ITGAM: variants seen among roughly 807,000 people sequenced by gnomAD.
ITGAM encodes the protein integrin subunit alpha M, also known as integrin alpha-M.
Under a neutral mutation model 137.5 loss-of-function variants are expected in ITGAM, and 79 were observed. The observed-to-expected ratio is 0.57, with a 90% CI of 0.48 to 0.69. The LOEUF (loss-of-function observed/expected upper bound fraction) is 0.69, where lower values mean the gene tolerates loss of function less well. Among genes scored for constraint, ITGAM ranks in the 30% least tolerant of loss-of-function variants. The probability of loss-of-function intolerance (pLI) is 0.00; values close to 1 mark genes in which losing one functional copy is unlikely to be tolerated. For missense variants in ITGAM, 1,343 were observed against 1,483.5 expected (o/e 0.91, Z 1.56); for synonymous variants, 583 against 592.3 (o/e 0.98, Z 0.23).
intron 14 of ITGAM, among the ~76,000 whole-genome samples, chr16:31,318,235 T>C (rs2080412122): frequency 1.3e-5 from 2 of 152,208 alleles, no homozygotes; most frequent in Non-Finnish European, 2.9e-5. Context: ...TTAATGATCC[T>C]TTTTATTGCT....
rs1422166276 is a variant in ITGAM at position 31,331,659 on chromosome 16, C to T, written c.3411C>T (p.Tyr1137=). Residue 1137 remains tyrosine, a synonymous_variant, in exon 30 of 30, where the codon TAC becomes TAT. Transcript: ENST00000544665. ...AGCTCGGCTTCTTCAAGCGGCAATA[C>T]AAGGACATGATGAGTGAAGGGGGTC... ...LYKLGFFKRQ[Y]KDMMSEGGPP... The T allele has an allele frequency of 6.2e-7, 1 of 1,604,836 alleles. No homozygotes were observed.
intron 12 of ITGAM, among the ~76,000 whole-genome samples, chr16:31,283,330 A>ATT (rs2079990943): frequency 6.6e-6 from 1 of 152,202 alleles, no homozygotes; most frequent in African/African-American, 2.4e-5. Context: ...ACTTGGTTCC[A>ATT]TTCGCCCTGT....
At chr16:31,330,638 G>T (rs760832033) in intron 28 of ITGAM, 33 bp downstream of exon 28, 1 of 1,494,246 alleles carries the variant, frequency 6.7e-7, no homozygotes, top group South Asian at 1.2e-5. Flanking sequence ...AACTATTGGA[G>T]GGAGAGGGGC....
Position 31,324,698 on chromosome 16 carries a change from C to G in ITGAM, c.2205C>G (p.Phe735Leu), listed in dbSNP as rs1315594782. The G allele has an allele frequency of 6.2e-7, 1 of 1,602,248 alleles. No homozygotes were observed. Among genetic ancestry groups the G allele is most frequent in the Non-Finnish European group, 8.5e-7 (1 of 1,175,102 alleles). Reference protein sequence around the residue: ...PVSPIVLRLNFSLVGTPLSAF... With the variant: ...PVSPIVLRLNLSLVGTPLSAF... ...GCCCCATTGTGCTGCGCCTGAACTT[C>G]TCTCTGGTGGGAACGCCATTGTCTG... The change falls in exon 18 of 30, where the codon TTC (phenylalanine) becomes TTG (leucine). Residue 735 changes from phenylalanine (F) to leucine (L), a missense_variant. Transcript: ENST00000544665. The surrounding 1 kb of genome is among the most constrained non-coding windows in gnomAD (Gnocchi z 4.5).
At chr16:31,313,569 T>G (rs897689551) in intron 14 of ITGAM, among the ~76,000 whole-genome samples, 2 of 152,242 alleles carry the variant, frequency 1.3e-5, no homozygotes, top group African/African-American at 4.8e-5. Flanking sequence ...CATTCTCTTT[T>G]ATGGCTGCAT....
At chr16:31,273,573 C>T in intron 8 of ITGAM, 55 bp downstream of exon 8, 2 of 1,552,780 alleles carry the variant, frequency 1.3e-6, no homozygotes, top group Non-Finnish European at 1.8e-6. Context: ...TATGTGGATC[C>T]ATCCTCCCTT....
intron 3 of ITGAM, 150 bp from the exon 4 acceptor site, chr16:31,265,661 C>A (rs1338625262): frequency 1.3e-6 from 1 of 773,634 alleles, no homozygotes; most frequent in Non-Finnish European, 2.1e-6. Context: ...CCCAGGCAAC[C>A]CCTCTGTGTT....
At chr16:31,314,218 A>C (rs984930572) in intron 14 of ITGAM, among the ~76,000 whole-genome samples, 13 of 152,112 alleles carry the variant, frequency 8.5e-5, no homozygotes, top group Non-Finnish European at 1.2e-4. Context: ...TGCTGTGCAG[A>C]AGCTCTTTAG....
At chr16:31,315,923 G>A (rs542339976) in intron 14 of ITGAM, among the ~76,000 whole-genome samples, 7 of 151,776 alleles carry the variant, frequency 4.6e-5, no homozygotes, top group East Asian at 2.0e-4. Flanking sequence ...GGCCGGGCGC[G>A]GTGGCTCATG....
At chr16:31,273,851 T>A (rs1000167555) in intron 8 of ITGAM, among the ~76,000 whole-genome samples, 2 of 152,186 alleles carry the variant, frequency 1.3e-5, no homozygotes, top group South Asian at 2.1e-4. Flanking sequence ...AGCTATGTCA[T>A]CTGCTGGACC....
chr16:31,295,670 A>G (rs1447937650), intron 12 of ITGAM, among the ~76,000 whole-genome samples: 2 of 151,166 alleles, frequency 1.3e-5, no homozygotes, highest in Non-Finnish European at 2.9e-5. Flanking sequence ...GTAAACAGAG[A>G]CAAATTTCCT....
chr16:31,331,556 C>A, intron 29 of ITGAM, 80 bp from the exon 30 acceptor site: 1 of 879,656 alleles, frequency 1.1e-6, no homozygotes, highest in Admixed American at 2.2e-5. Flanking sequence ...TCTGCCGGCC[C>A]TCCCGCCCCC....
intron 14 of ITGAM, among the ~76,000 whole-genome samples, chr16:31,308,193 C>G (rs1167108410): frequency 6.6e-6 from 1 of 152,104 alleles, no homozygotes; most frequent in Admixed American, 6.5e-5. Flanking sequence ...CCCTCTTTTT[C>G]TATTGATTGG....
At chr16:31,328,649 GTGTC>G (rs1299557263) in intron 23 of ITGAM, among the ~76,000 whole-genome samples, 4 of 150,812 alleles carry the variant, frequency 2.7e-5, no homozygotes, top group East Asian at 4.0e-4. Context: ...GCATATGTGT[GTGTC>G]TGAGGATATA....
chr16:31,332,225 T>C lies in ITGAM; in HGVS notation c.*518T>C, dbSNP rs1458079490. ...AGACAGAGGGAAACACAGCAGCTTC[T>C]CTCCACTGAAAGAAGTGGGACTTCC... is the stretch of plus-strand genomic sequence containing the variant. On this transcript the variant is annotated 3_prime_UTR_variant, in exon 30 of 30. Coordinates refer to ENST00000544665, the MANE Select transcript of ITGAM (RefSeq NM_000632.4). 1 of 152,734 alleles carries C rather than the reference T, an allele frequency of 6.5e-6. No individual in the cohort carries two copies. The highest frequency in any genetic ancestry group is 2.4e-5 in the African/African-American group (1 of 41,426). 9.5% of individuals were successfully genotyped at this position (152,734 alleles called of 1,614,324 possible).
chr16:31,260,924 A>G (rs911236167), intron 1 of ITGAM, among the ~76,000 whole-genome samples: 1 of 152,242 alleles, frequency 6.6e-6, no homozygotes, highest in Non-Finnish European at 1.5e-5. Flanking sequence ...TTACAAACAA[A>G]TTGTACTCAA....
At position 31,324,192 on chromosome 16, in the gene ITGAM, AAAGG is replaced by A. The variant is rs201110195; in HGVS notation, c.2003-192_2003-189del. ...AAGGAAGGAAGGAAAGGAAAGGAAA[AAAGG>A]AAGGAAGGAAGGAAAGGGAGGAAGA... On this transcript the variant is annotated intron_variant, in intron 16 of 29. Coordinates refer to ENST00000544665, the MANE Select transcript of ITGAM (RefSeq NM_000632.4). This position sits in a 1 kb window ranked among gnomAD's most constrained non-coding sequence, Gnocchi z 4.5. Among the ~76,000 whole-genome samples, 1,201 of 150,606 alleles carry A rather than the reference AAAGG, an allele frequency of 8.0e-3. 24 individuals carry two copies. The highest frequency in any genetic ancestry group is 0.024 in the African/African-American group (973 of 40,828).
At chr16:31,263,150 A>G (rs1414909568) in intron 2 of ITGAM, among the ~76,000 whole-genome samples, 2 of 152,120 alleles carry the variant, frequency 1.3e-5, no homozygotes, top group Non-Finnish European at 2.9e-5. Context: ...CATGTTGGCC[A>G]GGTTGGTCTT....
Position 31,297,873 on chromosome 16 carries a change from C to A in ITGAM, c.1626C>A (p.Ala542=), listed in dbSNP as rs1437118169. Reference sequence around the variant, plus strand: ...AGCTGACGGACGTGGCCATTGGGGCCCCAGGAGAGGAGGACAACCGGGGTG... The same window carrying A: ...AGCTGACGGACGTGGCCATTGGGGCACCAGGAGAGGAGGACAACCGGGGTG... The part of the protein sequence containing the change: ...GDKLTDVAIG[A]PGEEDNRGAV... Residue 542 remains alanine (A), a synonymous_variant, in exon 14 of 30, where the codon GCC becomes GCA. Coordinates refer to ENST00000544665, the MANE Select transcript of ITGAM (RefSeq NM_000632.4). 1 of 1,613,758 alleles carries A rather than the reference C, an allele frequency of 6.2e-7. No individual in the cohort carries two copies. Among genetic ancestry groups the A allele is most frequent in the African/African-American group, 1.3e-5 (1 of 74,858 alleles).
Sources: allele counts gnomAD v4.1 joint callset (sites outside exome capture counted in the v4.1 genomes callset), GRCh38; gene constraint gnomAD v4.1.1; non-coding constraint Gnocchi (gnomAD v3.1); transcripts MANE v1.5; gene names NCBI Gene and HGNC (gene_info 2026-07-23, HGNC 2026-07-21).